The following MSI2 variants were observed in gnomAD, a reference collection of about 807,000 sequenced individuals.
The protein encoded by MSI2 is musashi RNA binding protein 2.
Under a neutral mutation model 45.6 loss-of-function variants are expected in MSI2, and 17 were observed. That is an observed-to-expected ratio of 0.37 (90% CI 0.26 to 0.56). The LOEUF is 0.56. Among genes scored for constraint, MSI2 ranks in the 20% least tolerant of loss-of-function variants. The pLI, the probability that MSI2 is intolerant of heterozygous loss-of-function variation, is 0.77. For synonymous variants in MSI2, 156 were observed against 158.2 expected (o/e 0.99, Z 0.11); for missense variants, 293 against 444.2 (o/e 0.66, Z 3.06).
chr17:57,548,853 T>A (rs2087231316), intron 7 of MSI2, among the ~76,000 whole-genome samples: 1 of 151,986 alleles, frequency 6.6e-6, no homozygotes, highest in Non-Finnish European at 1.5e-5. Context: ...AATTTTTGTG[T>A]GTGTTCACCT....
At chr17:57,556,575 GA>G (rs1201359565) in intron 7 of MSI2, among the ~76,000 whole-genome samples, 2 of 152,208 alleles carry the variant, frequency 1.3e-5, no homozygotes, top group Non-Finnish European at 2.9e-5. Flanking sequence ...ACTGGACTCA[GA>G]GCCCATGTGG....
At chr17:57,446,483 C>T (rs1001630772) in intron 6 of MSI2, among the ~76,000 whole-genome samples, 2 of 152,192 alleles carry the variant, frequency 1.3e-5, no homozygotes, top group African/African-American at 4.8e-5. Flanking sequence ...CAGCTGGCCC[C>T]CTTTGGGGCT....
chr17:57,672,103 G>C (rs909540498), intron 11 of MSI2, among the ~76,000 whole-genome samples: 1 of 152,228 alleles, frequency 6.6e-6, no homozygotes, highest in Non-Finnish European at 1.5e-5. Flanking sequence ...CAGCAGCCCT[G>C]TCTTTCACCC....
chr17:57,696,189 A>T, the MSI2 span, among the ~76,000 whole-genome samples: 1 of 152,210 alleles, frequency 6.6e-6, no homozygotes, highest in Non-Finnish European at 1.5e-5. Context: ...CTGGAGCAGT[A>T]AGTAGACAGG....
intron 7 of MSI2, among the ~76,000 whole-genome samples, chr17:57,581,164 C>T (rs1002749725): frequency 6.6e-5 from 10 of 151,986 alleles, no homozygotes; most frequent in African/African-American, 2.4e-4. Context: ...AGGCGTGTGC[C>T]ACCACGCCTG....
chr17:57,596,609 T>C lies in MSI2; in HGVS notation c.455-259T>C, dbSNP rs1263994962. On this transcript the variant is annotated intron_variant, in intron 7 of 13. Transcript: ENST00000284073. The surrounding 1 kb of genome is among the most constrained non-coding windows in gnomAD (Gnocchi z 4.6). ...AAATAACAGACAAGTAAATTTCTTG[T>C]TTGCTTCGGGGCAAATGTAAACCAC... 3.9e-5 allele frequency among the ~76,000 whole-genome samples: 6 copies of C among 152,196 alleles called. No individual in the cohort carries two copies. Among genetic ancestry groups the C allele is most frequent in the Non-Finnish European group, 8.8e-5 (6 of 68,040 alleles).
intron 5 of MSI2, among the ~76,000 whole-genome samples, chr17:57,353,087 A>G (rs1167713525): frequency 1.3e-5 from 2 of 152,218 alleles, no homozygotes; most frequent in Non-Finnish European, 2.9e-5. Context: ...TTTAATGATG[A>G]TTTGAATATC....
rs1429632013 is a variant in MSI2, at chr17:57,285,814, C to G, written c.312+23622C>G. ...AGAAATGTTTTCTTTTCTCCTTGCC[C>G]GTCAGTTAGCCAAGCCTCCTACCAC... On this transcript the variant is annotated intron_variant, in intron 5 of 13. Transcript: ENST00000284073. 4 of 1,390,148 alleles carry G rather than the reference C, an allele frequency of 2.9e-6. No individual in the cohort carries two copies. In the African/African-American group the frequency reaches 4.4e-5, roughly 15 times the overall value. The allele number at this position is 1,390,148 out of a possible 1,614,324, so 86.1% of individuals were successfully genotyped here.
downstream of MSI2, among the ~76,000 whole-genome samples, chr17:57,685,166 T>C (rs2144777764): frequency 6.6e-6 from 1 of 152,140 alleles, no homozygotes; most frequent in East Asian, 1.9e-4. Flanking sequence ...CTACTGGAAA[T>C]CATTACAATC....
At chr17:57,309,798 A>G (rs566386883) in intron 5 of MSI2, among the ~76,000 whole-genome samples, 68 of 152,262 alleles carry the variant, frequency 4.5e-4, no homozygotes, top group Admixed American at 2.0e-3. Flanking sequence ...ACACAGCCAG[A>G]AGAGAGGAGA....
chr17:57,531,999 G>A (rs1169824463), intron 7 of MSI2: 1 of 152,460 alleles, frequency 6.6e-6, no homozygotes, highest in Non-Finnish European at 1.5e-5. Flanking sequence ...TGAGGTGGAG[G>A]ATGGTCTGTT....
intron 5 of MSI2, among the ~76,000 whole-genome samples, chr17:57,360,076 G>A (rs1313527532): frequency 2.6e-5 from 4 of 152,222 alleles, no homozygotes; most frequent in African/African-American, 9.6e-5. Context: ...GTGAGGGAGT[G>A]GCTGCCCAGA....
intron 6 of MSI2, among the ~76,000 whole-genome samples, chr17:57,458,076 A>G (rs536836584): frequency 1.2e-4 from 18 of 151,128 alleles, no homozygotes; most frequent in Non-Finnish European, 2.7e-4. Context: ...TTAATAAACT[A>G]TATTAGCCTG....
chr17:57,535,868 G>A (rs184173009), intron 7 of MSI2, among the ~76,000 whole-genome samples: 221 of 152,332 alleles, frequency 1.5e-3, no homozygotes, highest in African/African-American at 4.9e-3. Flanking sequence ...TGTAATTTGC[G>A]TAATCGGTTT....
At chr17:57,598,862 C>T (rs945956112) in intron 8 of MSI2, among the ~76,000 whole-genome samples, 1 of 152,158 alleles carries the variant, frequency 6.6e-6, no homozygotes, top group African/African-American at 2.4e-5. Context: ...GGGGTTTCAC[C>T]ATGTTGGCCA....
intron 5 of MSI2, among the ~76,000 whole-genome samples, chr17:57,273,628 T>G (rs1440645492): frequency 6.6e-6 from 1 of 152,234 alleles, no homozygotes; most frequent in Admixed American, 6.5e-5. Context: ...CTGGGCAGTT[T>G]GCGTTTGGCA....
At chr17:57,322,727 T>C (rs1913452636) in intron 5 of MSI2, among the ~76,000 whole-genome samples, 1 of 152,132 alleles carries the variant, frequency 6.6e-6, no homozygotes, top group Admixed American at 6.6e-5. Flanking sequence ...TTTTCTCTCT[T>C]CTCCTGAAAG....
intron 7 of MSI2, among the ~76,000 whole-genome samples, chr17:57,592,218 T>G (rs973526357): frequency 2.1e-4 from 32 of 151,876 alleles, no homozygotes; most frequent in Admixed American, 8.5e-4. Flanking sequence ...GTTACGTATA[T>G]TTTACCAAAA....
intron 10 of MSI2, among the ~76,000 whole-genome samples, chr17:57,643,333 T>C (rs142179560): frequency 5.3e-5 from 8 of 152,272 alleles, no homozygotes; most frequent in Non-Finnish European, 1.2e-4. Context: ...TGGAGACAGG[T>C]TGAGGTTGAG....
Sources: allele counts gnomAD v4.1 joint callset (sites outside exome capture counted in the v4.1 genomes callset), GRCh38; gene constraint gnomAD v4.1.1; non-coding constraint Gnocchi (gnomAD v3.1); transcripts MANE v1.5; gene names NCBI Gene and HGNC (gene_info 2026-07-23, HGNC 2026-07-21).